CCNT1: variants seen among roughly 807,000 people sequenced by gnomAD.
The protein encoded by CCNT1 is cyclin T1, also known as cyclin-T1.
A neutral mutation model predicts 67.3 loss-of-function variants in CCNT1; 18 were observed. That is an observed-to-expected ratio of 0.27 (90% CI 0.18 to 0.40). The LOEUF is 0.40. CCNT1 is among the 10% of genes least tolerant of loss of function. CCNT1 has a pLI of 1.00. For missense variants in CCNT1, 744 were observed against 884.9 expected (o/e 0.84, Z 2.02); for synonymous variants, 333 against 310.3 (o/e 1.07, Z -0.77).
At chr12:48,709,371 G>A (rs1350328505) in intron 2 of CCNT1, among the ~76,000 whole-genome samples, 1 of 152,110 alleles carries the variant, frequency 6.6e-6, no homozygotes, top group Admixed American at 6.6e-5. Flanking sequence ...TTTCAGTAGG[G>A]CAAACTGACA....
At position 48,688,768 on chromosome 12, in the gene CCNT1, C is replaced by T. The variant is rs1311536981; in HGVS notation, c.*4265G>A. On this transcript the variant is annotated 3_prime_UTR_variant, in exon 9 of 9. Coordinates refer to ENST00000261900, the MANE Select transcript of CCNT1 (RefSeq NM_001240.4). ...ACAAAGAGAACAGACAAAAATCTCA[C>T]CACAAAATTGTACCTGAGTGACAGA... is the stretch of plus-strand genomic sequence containing the variant. 1 of 151,918 alleles carries T rather than the reference C, an allele frequency of 6.6e-6. No individual in the cohort carries two copies. The highest frequency in any genetic ancestry group is 1.5e-5 in the Non-Finnish European group (1 of 67,994). The allele number at this position is 151,918 out of a possible 1,614,324, so 9.4% of individuals were successfully genotyped here. A position where few individuals can be genotyped will look rare whatever the true frequency, so the allele number is the denominator to read the frequency against.
At chr12:48,715,716 G>A (rs1940523192) in intron 1 of CCNT1, among the ~76,000 whole-genome samples, 1 of 152,116 alleles carries the variant, frequency 6.6e-6, no homozygotes, top group African/African-American at 2.4e-5. Flanking sequence ...ACCCGCCTCG[G>A]CCTCCCAAAG....
At chr12:48,714,935 C>T (rs1940511228) in intron 1 of CCNT1, among the ~76,000 whole-genome samples, 1 of 152,168 alleles carries the variant, frequency 6.6e-6, no homozygotes, top group South Asian at 2.1e-4. Flanking sequence ...GCCTCAGCTT[C>T]CCCAGTAGCT....
chr12:48,712,511 G>A (rs183307689), intron 2 of CCNT1, among the ~76,000 whole-genome samples: 18 of 130,986 alleles, frequency 1.4e-4, no homozygotes, highest in East Asian at 1.4e-3. Flanking sequence ...TGATCCGCCC[G>A]CCTCAGCCTC....
chr12:48,698,189 G>GGA lies in CCNT1; in HGVS notation c.497-7_497-6insTC, dbSNP rs1940208938. ...CTGTGCTAAGTCCTTGCTTGCTAAA[G>GGA]AAAAAAAAAAAAAGTCAGGGGTGGG... On this transcript the variant is annotated splice_polypyrimidine_tract_variant and splice_region_variant and intron_variant, in intron 5 of 8. Transcript: ENST00000261900. The GGA allele has an allele frequency of 9.1e-7, 1 of 1,099,982 alleles. No individual in the cohort carries two copies. Among genetic ancestry groups the GGA allele is most frequent in the Admixed American group, 2.7e-5 (1 of 36,960 alleles). 68.1% of individuals were successfully genotyped at this position (1,099,982 alleles called of 1,614,324 possible).
In CCNT1 at chr12:48,693,236, T is replaced by C; in HGVS notation, c.1978A>G (p.Thr660Ala). Reference sequence around the variant, plus strand: ...AGCAGGGAGTGAAGCATATTCACAGTGTCTTGATAGTCTATTGTCTGGGTC... The same window carrying C: ...AGCAGGGAGTGAAGCATATTCACAGCGTCTTGATAGTCTATTGTCTGGGTC... ...NTTQTIDYQDTVNMLHSLLSA... is the reference protein window; with the variant it reads ...NTTQTIDYQDAVNMLHSLLSA... Residue 660 changes from threonine (T) to alanine (A), a missense_variant, in exon 9 of 9, where the codon ACT becomes GCT. Around this residue, in one of 3 missense-constraint regions of CCNT1, gnomAD observed 564 missense variants for 574.2 expected, o/e 0.98. Coordinates refer to ENST00000261900, the MANE Select transcript of CCNT1 (RefSeq NM_001240.4). 6.2e-7 allele frequency: 1 copy of C among 1,614,208 alleles called. No individual in the cohort carries two copies. The highest frequency in any genetic ancestry group is 8.5e-7 in the Non-Finnish European group (1 of 1,180,026).
chr12:48,701,140 C>A, intron 3 of CCNT1, 67 bp from the exon 4 acceptor site: 1 of 841,066 alleles, frequency 1.2e-6, no homozygotes, highest in South Asian at 1.9e-5. Flanking sequence ...ACAATTCTAA[C>A]AATCCCTTCC....
chr12:48,710,869 T>C (rs1016311642), intron 2 of CCNT1, among the ~76,000 whole-genome samples: 1 of 152,160 alleles, frequency 6.6e-6, no homozygotes, highest in Non-Finnish European at 1.5e-5. Flanking sequence ...AAGACCAGGC[T>C]GGCCAAGATG....
chr12:48,716,409 T>C (rs548360203), intron 1 of CCNT1, 106 bp downstream of exon 1: 197 of 1,065,998 alleles, frequency 1.8e-4, no homozygotes, highest in Middle Eastern at 6.2e-4. Context: ...ATCCAGCTTC[T>C]GCCCACCTTC....
rs373568906 is a variant in CCNT1, at chr12:48,713,235, G to A, written c.243+1208C>T. ...TTTTTTGTAGAAACGGGGTCTCACCGTGTTGCCCAGGCTGGTCTCCAACTC... is the reference window on the plus strand; with the variant it reads ...TTTTTTGTAGAAACGGGGTCTCACCATGTTGCCCAGGCTGGTCTCCAACTC... On this transcript the variant is annotated intron_variant, in intron 2 of 8. Coordinates refer to ENST00000261900, the MANE Select transcript of CCNT1 (RefSeq NM_001240.4). 1.7e-3 allele frequency among the ~76,000 whole-genome samples: 240 copies of A among 139,740 alleles called. 1 individual carries two copies. Among genetic ancestry groups the A allele is most frequent in the African/African-American group, 6.0e-3 (222 of 37,146 alleles). The allele number at this position is 139,740 out of a possible 152,430, so 91.7% of individuals were successfully genotyped here. A position where few individuals can be genotyped will look rare whatever the true frequency, so the allele number is the denominator to read the frequency against.
At chr12:48,696,465 G>A (rs1188087578) in intron 6 of CCNT1, among the ~76,000 whole-genome samples, 4 of 150,410 alleles carry the variant, frequency 2.7e-5, no homozygotes, top group Non-Finnish European at 5.9e-5. Flanking sequence ...GGGAATTCAA[G>A]TTCTTTAAAA....
intron 2 of CCNT1, among the ~76,000 whole-genome samples, chr12:48,709,572 A>G (rs1940417002): frequency 6.6e-6 from 1 of 152,250 alleles, no homozygotes; most frequent in South Asian, 2.1e-4. Context: ...AACTACAGTA[A>G]CTACACAAAT....
chr12:48,704,533 G>A (rs1021971482), intron 3 of CCNT1, among the ~76,000 whole-genome samples: 41 of 152,120 alleles, frequency 2.7e-4, no homozygotes, highest in African/African-American at 8.5e-4. Context: ...CAAGGTGGCC[G>A]GGCACAGTGG....
intron 4 of CCNT1, among the ~76,000 whole-genome samples, 162 bp from the exon 5 acceptor site, chr12:48,700,002 T>C (rs113887769): frequency 1.2e-4 from 18 of 152,254 alleles, no homozygotes; most frequent in African/African-American, 3.8e-4. Context: ...CCATGAAATA[T>C]AATTTGAAGA....
chr12:48,698,200 A>AG lies in CCNT1; in HGVS notation c.497-18_497-17insC. 6.4e-7 allele frequency: 1 copy of AG among 1,562,356 alleles called. No individual in the cohort carries two copies. ...CCTTGCTTGCTAAAGAAAAAAAAAA[A>AG]AAGTCAGGGGTGGGGGAGGAAAAAA... On this transcript the variant is annotated splice_polypyrimidine_tract_variant and intron_variant, in intron 5 of 8. Transcript: ENST00000261900.
At chr12:48,696,695 T>C (rs1940173776) in intron 6 of CCNT1, among the ~76,000 whole-genome samples, 1 of 152,228 alleles carries the variant, frequency 6.6e-6, no homozygotes, top group Non-Finnish European at 1.5e-5. Flanking sequence ...CAAGTATAAA[T>C]ATGTTGGTTT....
At chr12:48,698,208 G>C (rs749809935) in intron 5 of CCNT1, 25 bp from the exon 6 acceptor site, 14 of 1,460,852 alleles carry the variant, frequency 9.6e-6, no homozygotes, top group Admixed American at 2.2e-5. Flanking sequence ...AAAAAGTCAG[G>C]GGTGGGGGAG....
Position 48,689,101 on chromosome 12 carries a change from C to T in CCNT1, c.*3932G>A, listed in dbSNP as rs1283948399. 6.6e-6 allele frequency: 1 copy of T among 152,234 alleles called. No homozygotes were observed. The highest frequency in any genetic ancestry group is 1.5e-5 in the Non-Finnish European group (1 of 68,036). 9.4% of individuals were successfully genotyped at this position (152,234 alleles called of 1,614,324 possible). ...AATTAGCATGCTGTCAAGCATCCCTCTCCATGCTTAACATGGCAACACAAA... is the reference window on the plus strand; with the variant it reads ...AATTAGCATGCTGTCAAGCATCCCTTTCCATGCTTAACATGGCAACACAAA... On this transcript the variant is annotated 3_prime_UTR_variant, in exon 9 of 9. Coordinates refer to ENST00000261900, the MANE Select transcript of CCNT1 (RefSeq NM_001240.4).
At chr12:48,698,463 A>G (rs1298690306) in intron 5 of CCNT1, among the ~76,000 whole-genome samples, 2 of 152,162 alleles carry the variant, frequency 1.3e-5, no homozygotes, top group Non-Finnish European at 2.9e-5. Context: ...TTTAAATGCA[A>G]TTCTTGGACC....
Sources: gnomAD v4.1 joint callset for allele counts (sites outside exome capture counted in the v4.1 genomes callset) on GRCh38, gnomAD v4.1.1 for gene constraint, gnomAD v4.1.1 regional missense constraint, MANE v1.5 for transcripts, NCBI Gene and HGNC (gene_info 2026-07-23, HGNC 2026-07-21) for gene names.